Variants in RAD52 observed in about 807,000 individuals in gnomAD.
RAD52 encodes DNA repair protein RAD52 homolog.
In RAD52, 47 loss-of-function variants were observed where a neutral mutation model predicts 55.5. The ratio of observed to expected loss-of-function variants is 0.85; its 90% CI spans 0.67 to 1.08. The LOEUF (loss-of-function observed/expected upper bound fraction) is 1.08. Ranked by LOEUF, RAD52 falls within the 50% of genes least tolerant of loss-of-function variation. The pLI, the probability that RAD52 is intolerant of heterozygous loss-of-function variation, is 0.00. For synonymous variants in RAD52, 184 were observed against 198.9 expected (o/e 0.92, Z 0.63); for missense variants, 468 against 522.8 (o/e 0.90, Z 1.02).
At position 981,806 on chromosome 12, in the gene RAD52, A is replaced by AAAATAAAATAAAATAAAATG. The variant is rs1472245654; in HGVS notation, c.-19+8002_-19+8003insCATTTTATTTTATTTTATTT. 3.5e-4 allele frequency among the ~76,000 whole-genome samples: 54 copies of AAAATAAAATAAAATAAAATG among 152,156 alleles called. 2 individuals are homozygous for AAAATAAAATAAAATAAAATG. Among genetic ancestry groups the AAAATAAAATAAAATAAAATG allele is most frequent in the Non-Finnish European group, 7.2e-4 (49 of 68,000 alleles). On this transcript the variant is annotated intron_variant, in intron 1 of 11. Coordinates refer to the RAD52 transcript ENST00000430095. ...AAAATAAAATAAAATAAAATAAAAT[A>AAAATAAAATAAAATAAAATG]AAACCTAGCAAGGCAAATTCTGTTG...
At chr12:927,410 T>C in intron 5 of RAD52, 147 bp from the exon 6 acceptor site, 1 of 685,942 alleles carries the variant, frequency 1.5e-6, no homozygotes, top group Non-Finnish European at 2.6e-6. Flanking sequence ...TGGGTGAGAA[T>C]CCATCGCGAG....
At chr12:939,477 A>T (rs1034082867) in intron 1 of RAD52, among the ~76,000 whole-genome samples, 1 of 152,140 alleles carries the variant, frequency 6.6e-6, no homozygotes, top group East Asian at 1.9e-4. Flanking sequence ...AAAGGCTTCA[A>T]ATCTTTCAGG....
At chr12:990,940 TGTGTGTGTGTGA>T (rs1417280155), upstream of RAD52, 4 of 47,398 alleles carry the variant, frequency 8.4e-5, no homozygotes, top group East Asian at 7.2e-4. Flanking sequence ...GGGTCGTGTG[TGTGTGTGTGTGA>T]GTGTGTGTGT....
chr12:922,299 G>A (rs1956786788), intron 7 of RAD52, among the ~76,000 whole-genome samples: 1 of 151,844 alleles, frequency 6.6e-6, no homozygotes, highest in Non-Finnish European at 1.5e-5. Context: ...GTAAAATGGG[G>A]CAACTGTATG....
intron 1 of RAD52, among the ~76,000 whole-genome samples, chr12:966,618 C>T (rs1462281429): frequency 1.3e-5 from 2 of 151,824 alleles, no homozygotes; most frequent in Non-Finnish European, 2.9e-5. Flanking sequence ...AGTGCACTTG[C>T]TTACATCAAC....
rs1287755362 is a variant in RAD52 at position 924,974 on chromosome 12, G to A, written c.543+476C>T. 4.8e-5 allele frequency among the ~76,000 whole-genome samples: 7 copies of A among 145,866 alleles called. No homozygotes were observed. In the East Asian group the frequency reaches 5.9e-4, roughly 12 times the overall value. On this transcript the variant is annotated intron_variant, in intron 7 of 11. Transcript: ENST00000358495. ...TTTTTTTTTTTTTTTTTTTGGAGAC[G>A]GAGTCTGGCTCTGTCGCCCAGGTTG...
chr12:967,953 G>T (rs1466007310), intron 1 of RAD52, among the ~76,000 whole-genome samples: 1 of 152,046 alleles, frequency 6.6e-6, no homozygotes, highest in African/African-American at 2.4e-5. Context: ...AAAGTGCTGG[G>T]ATTACTGGTG....
At chr12:919,332 G>A (rs1010988284) in intron 7 of RAD52, among the ~76,000 whole-genome samples, 7 of 152,218 alleles carry the variant, frequency 4.6e-5, no homozygotes, top group Non-Finnish European at 7.4e-5. Context: ...TGTAATCCCA[G>A]TTACTTGGGA....
intron 1 of RAD52, among the ~76,000 whole-genome samples, chr12:962,971 T>C (rs1958708733): frequency 6.6e-6 from 1 of 152,196 alleles, no homozygotes; most frequent in Admixed American, 6.6e-5. Flanking sequence ...AGGATAGTCT[T>C]GAACTCTTGG....
At chr12:934,077 G>A (rs1389975904) in intron 1 of RAD52, among the ~76,000 whole-genome samples, 1 of 150,646 alleles carries the variant, frequency 6.6e-6, no homozygotes, top group Non-Finnish European at 1.5e-5. Flanking sequence ...ACTCCAGCCT[G>A]GGTGACAGAG....
chr12:966,223 T>C (rs1296923378), intron 1 of RAD52, among the ~76,000 whole-genome samples: 1 of 152,086 alleles, frequency 6.6e-6, no homozygotes, highest in Non-Finnish European at 1.5e-5. Context: ...CACTCCAGCC[T>C]CCCTAAGTGC....
intron 1 of RAD52, among the ~76,000 whole-genome samples, chr12:982,656 C>CTTTTTTTTTT (rs34866890): frequency 3.5e-5 from 3 of 86,436 alleles, no homozygotes; most frequent in Non-Finnish European, 4.1e-5. Flanking sequence ...ACAATCTAGA[C>CTTTTTTTTTT]TTTTTTTTTT....
intron 1 of RAD52, among the ~76,000 whole-genome samples, chr12:964,731 C>G (rs987538379): frequency 6.6e-6 from 1 of 152,118 alleles, no homozygotes; most frequent in South Asian, 2.1e-4. Flanking sequence ...GGCGCATGCA[C>G]TACGCCCAGC....
At chr12:960,744 G>C (rs1316630740) in intron 1 of RAD52, among the ~76,000 whole-genome samples, 1 of 152,148 alleles carries the variant, frequency 6.6e-6, no homozygotes, top group East Asian at 1.9e-4. Context: ...TGGGATTATA[G>C]ATGTGAGCCA....
chr12:926,997 C>A, intron 6 of RAD52, 148 bp downstream of exon 6: 1 of 1,564,278 alleles, frequency 6.4e-7, no homozygotes, highest in Non-Finnish European at 8.7e-7. Flanking sequence ...AAACGGCAGA[C>A]AGGAACCAGG....
chr12:954,186 T>C (rs539850233), upstream of RAD52, among the ~76,000 whole-genome samples: 1 of 152,356 alleles, frequency 6.6e-6, no homozygotes, highest in African/African-American at 2.4e-5. Context: ...ATGTAGTCAT[T>C]ACCTTTTTCT....
At chr12:949,920 AC>A (rs1958476291), upstream of RAD52, among the ~76,000 whole-genome samples, 2 of 151,986 alleles carry the variant, frequency 1.3e-5, no homozygotes, top group Admixed American at 6.6e-5. Flanking sequence ...TCTGCCTCCT[AC>A]TTCCCGCCAG....
chr12:944,188 C>T (rs767266119), intron 1 of RAD52, among the ~76,000 whole-genome samples: 5 of 151,896 alleles, frequency 3.3e-5, no homozygotes, highest in Admixed American at 6.6e-5. Flanking sequence ...TGCACTCCAG[C>T]CTGGGTGACA....
intron 5 of RAD52, among the ~76,000 whole-genome samples, chr12:928,112 A>G (rs1957137026): frequency 6.6e-6 from 1 of 152,258 alleles, no homozygotes; most frequent in Non-Finnish European, 1.5e-5. Context: ...GAGTGACACT[A>G]TAACACAATT....
Sources: gnomAD v4.1 joint callset for allele counts (sites outside exome capture counted in the v4.1 genomes callset) on GRCh38, gnomAD v4.1.1 for gene constraint, MANE v1.5 for transcripts, NCBI Gene and HGNC (gene_info 2026-07-23, HGNC 2026-07-21) for gene names.